The following PPM1D variants were observed in gnomAD, a reference collection of about 807,000 sequenced individuals.
PPM1D encodes the protein protein phosphatase 1D.
In PPM1D, 52 loss-of-function variants were observed where a neutral mutation model predicts 58.3. The ratio of observed to expected loss-of-function variants is 0.89; its 90% CI spans 0.71 to 1.12. The LOEUF (loss-of-function observed/expected upper bound fraction) is 1.12. PPM1D is among the 50% of genes most tolerant of loss of function. The pLI is 0.00. For synonymous variants in PPM1D, 278 were observed against 285.1 expected, an observed-to-expected ratio of 0.98 and a Z score of 0.25; for missense variants, 564 against 777.2, an observed-to-expected ratio of 0.73 and a Z score of 3.26.
chr17:60,621,381 T>TTTTG lies in PPM1D; in HGVS notation c.473-2117_473-2114dup, dbSNP rs537109290. On this transcript the variant is annotated intron_variant, in intron 1 of 5. Coordinates refer to ENST00000305921, the MANE Select transcript of PPM1D (RefSeq NM_003620.4). ...ATTGAAGACTATCCCTACCTCAGAG[T>TTTTG]TTTGTTTGTTTGTTTGTTTGTTTGT... 1.6e-3 allele frequency among the ~76,000 whole-genome samples: 233 copies of TTTTG among 145,954 alleles called. No homozygotes were observed. The Middle Eastern group carries it at 0.038, about 24-fold the overall frequency.
intron 4 of PPM1D, 131 bp from the exon 5 acceptor site, chr17:60,656,455 AAAAAAAAAAAGAG>A: frequency 9.2e-7 from 1 of 1,082,838 alleles, no homozygotes; most frequent in Non-Finnish European, 1.3e-6. Flanking sequence ...TCTGTCTCAA[AAAAAAAAAAAGAG>A]AAAAGAAAAA....
At chr17:60,617,216 C>T (rs1315276367) in intron 1 of PPM1D, among the ~76,000 whole-genome samples, 2 of 151,808 alleles carry the variant, frequency 1.3e-5, no homozygotes, top group African/African-American at 4.8e-5. Flanking sequence ...CCTTGGCCTC[C>T]CAAAGCACTG....
chr17:60,645,574 A>G (rs920209509), intron 3 of PPM1D, among the ~76,000 whole-genome samples: 25 of 127,910 alleles, frequency 2.0e-4, no homozygotes, highest in South Asian at 4.5e-4. Context: ...ATATATATGT[A>G]TATATATATG....
chr17:60,628,953 G>T (rs1382194137), intron 2 of PPM1D, among the ~76,000 whole-genome samples: 1 of 152,050 alleles, frequency 6.6e-6, no homozygotes, highest in Non-Finnish European at 1.5e-5. Context: ...TAGTAAATAG[G>T]CAAGTTAACT....
chr17:60,618,021 T>G (rs1023647816), intron 1 of PPM1D, among the ~76,000 whole-genome samples: 5 of 152,232 alleles, frequency 3.3e-5, no homozygotes, highest in Non-Finnish European at 5.9e-5. Context: ...ACATGATGGT[T>G]GTTTTTGAAG....
chr17:60,649,683 C>CT (rs1177482506), intron 4 of PPM1D, among the ~76,000 whole-genome samples: 2 of 151,238 alleles, frequency 1.3e-5, no homozygotes, highest in Admixed American at 6.6e-5. Flanking sequence ...GAACGAAACT[C>CT]TGTCTCAAAA....
chr17:60,624,954 A>G (rs2030776929), intron 2 of PPM1D, among the ~76,000 whole-genome samples: 1 of 152,046 alleles, frequency 6.6e-6, no homozygotes, highest in Admixed American at 6.6e-5. Context: ...AGCTTGGGGA[A>G]CATGGTGAAA....
intron 1 of PPM1D, among the ~76,000 whole-genome samples, chr17:60,602,611 G>T (rs747763911): frequency 1.3e-5 from 2 of 151,624 alleles, no homozygotes; most frequent in Non-Finnish European, 2.9e-5. Context: ...AATAAAGCAG[G>T]GGCCATGCTG....
chr17:60,654,690 C>T (rs1356915700), intron 4 of PPM1D, among the ~76,000 whole-genome samples: 2 of 151,072 alleles, frequency 1.3e-5, no homozygotes, highest in Admixed American at 6.6e-5. Flanking sequence ...GGTGAAACCC[C>T]GTCTCTACTA....
At chr17:60,651,586 C>T (rs996859837) in intron 4 of PPM1D, among the ~76,000 whole-genome samples, 1 of 151,742 alleles carries the variant, frequency 6.6e-6, no homozygotes, top group Non-Finnish European at 1.5e-5. Flanking sequence ...TTAGTAGAGA[C>T]GGGGTTTCAC....
chr17:60,617,365 T>C lies in PPM1D; in HGVS notation c.473-6156T>C, dbSNP rs565964179. ...TTTTTTGTTTGTTTGTTTTTTAATT[T>C]ACTTCAGTTTGTTTAAAAAGAAAGA... On this transcript the variant is annotated intron_variant, in intron 1 of 5. Transcript: ENST00000305921. 2.0e-3 allele frequency among the ~76,000 whole-genome samples: 308 copies of C among 152,060 alleles called. 1 individual carries two copies. Among genetic ancestry groups the C allele is most frequent in the African/African-American group, 7.3e-3 (301 of 41,502 alleles).
At chr17:60,619,244 T>G (rs763674936) in intron 1 of PPM1D, among the ~76,000 whole-genome samples, 1 of 152,030 alleles carries the variant, frequency 6.6e-6, no homozygotes, top group Non-Finnish European at 1.5e-5. Flanking sequence ...CTGAACGATA[T>G]TCCATTGTGT....
rs554142906 is a variant in PPM1D at position 60,600,246 on chromosome 17, C to G, written c.-169C>G. 17 of 1,335,146 alleles carry G rather than the reference C, an allele frequency of 1.3e-5. No homozygotes were observed. In the Admixed American group the frequency reaches 4.6e-4, roughly 36 times the overall value. 82.7% of individuals were successfully genotyped at this position (1,335,146 alleles called of 1,614,324 possible). A position where few individuals can be genotyped will look rare whatever the true frequency, so the allele number is the denominator to read the frequency against. ...CTCGCTCCGGCGCTCCGGCCCAGCT[C>G]TCGCGGACAAGTCCAGACATCGCGC... is the stretch of plus-strand genomic sequence containing the variant. On this transcript the variant is annotated 5_prime_UTR_variant, in exon 1 of 6. Transcript: ENST00000305921.
chr17:60,609,154 C>T (rs1383443834), intron 1 of PPM1D, among the ~76,000 whole-genome samples: 2 of 152,010 alleles, frequency 1.3e-5, no homozygotes, highest in Non-Finnish European at 1.5e-5. Flanking sequence ...AGTGCAATGG[C>T]GTGATCTCGG....
At chr17:60,606,661 A>C (rs1013657445) in intron 1 of PPM1D, among the ~76,000 whole-genome samples, 2 of 152,192 alleles carry the variant, frequency 1.3e-5, no homozygotes, top group African/African-American at 4.8e-5. Context: ...TTTGGTGTTA[A>C]GCTTGACCTC....
chr17:60,654,404 T>C (rs1407921978), intron 4 of PPM1D, among the ~76,000 whole-genome samples: 1 of 138,238 alleles, frequency 7.2e-6, no homozygotes, highest in African/African-American at 2.7e-5. Context: ...CCCAAGCAGC[T>C]GAGGTGGGAG....
rs138465362 is a variant in PPM1D at position 60,620,037 on chromosome 17, C to T, written c.473-3484C>T. On this transcript the variant is annotated intron_variant, in intron 1 of 5. Coordinates refer to ENST00000305921, the MANE Select transcript of PPM1D (RefSeq NM_003620.4). ...GTTTTGAGACAGAGTCTCGCCCTGT[C>T]GCCCAGGCTGGAGTGCAGTGGCATG... is the stretch of plus-strand genomic sequence containing the variant. 3.8e-3 allele frequency among the ~76,000 whole-genome samples: 573 copies of T among 149,620 alleles called. 2 individuals are homozygous for T. Among genetic ancestry groups the T allele is most frequent in the African/African-American group, 0.013 (533 of 40,654 alleles).
At chr17:60,624,956 A>G (rs895229484) in intron 2 of PPM1D, among the ~76,000 whole-genome samples, 1 of 152,084 alleles carries the variant, frequency 6.6e-6, no homozygotes, top group Non-Finnish European at 1.5e-5. Flanking sequence ...CTTGGGGAAC[A>G]TGGTGAAACC....
At chr17:60,650,631 A>G (rs2031326114) in intron 4 of PPM1D, among the ~76,000 whole-genome samples, 2 of 152,068 alleles carry the variant, frequency 1.3e-5, no homozygotes, top group Admixed American at 6.6e-5. Context: ...TATAAGGAGG[A>G]AGAATATGAT....
Sources: allele counts gnomAD v4.1 joint callset (sites outside exome capture counted in the v4.1 genomes callset), GRCh38; gene constraint gnomAD v4.1.1; transcripts MANE v1.5; gene names NCBI Gene and HGNC (gene_info 2026-07-23, HGNC 2026-07-21).